The following VPS13C variants were observed in gnomAD, a reference collection of about 807,000 sequenced individuals.
The protein encoded by VPS13C is vacuolar protein sorting 13 homolog C, also known as intermembrane lipid transfer protein VPS13C.
In VPS13C, 358 loss-of-function variants were observed where a neutral mutation model predicts 456.8. That is an observed-to-expected ratio of 0.78 (90% confidence interval 0.72 to 0.86). VPS13C has a LOEUF of 0.86. Ranked by LOEUF, VPS13C falls within the 40% of genes least tolerant of loss-of-function variation. VPS13C has a pLI of 0.00. For missense variants in VPS13C, 4,818 were observed against 4,385.4 expected (o/e 1.10, Z -2.79); for synonymous variants, 1,578 against 1,486.7 (o/e 1.06, Z -1.41).
chr15:62,005,026 G>T (rs1435506981), intron 15 of VPS13C, among the ~76,000 whole-genome samples: 4 of 152,024 alleles, frequency 2.6e-5, no homozygotes, highest in Non-Finnish European at 5.9e-5. Context: ...TTCTGTAGAT[G>T]TCTATTAGGT....
intron 16 of VPS13C, among the ~76,000 whole-genome samples, chr15:61,997,782 C>T (rs1418720523): frequency 6.6e-6 from 1 of 152,148 alleles, no homozygotes; most frequent in Non-Finnish European, 1.5e-5. Context: ...AGTAAAGCTA[C>T]TATCACCACT....
chr15:62,048,954 GT>G (rs1026628685), intron 1 of VPS13C, among the ~76,000 whole-genome samples: 10 of 151,224 alleles, frequency 6.6e-5, no homozygotes, highest in Non-Finnish European at 1.5e-4. Flanking sequence ...GGGGTTGTTT[GT>G]TTTTTTCTTG....
chr15:61,962,752 C>T lies in VPS13C; in HGVS notation c.3432G>A (p.Lys1144=), dbSNP rs1270642650. 1.3e-6 allele frequency: 2 copies of T among 1,589,730 alleles called. No individual in the cohort carries two copies. Among genetic ancestry groups the T allele is most frequent in the Non-Finnish European group, 1.7e-6 (2 of 1,164,214 alleles). ...VTDVDPKTVH[K]KAVSIMGNEV... is the part of the protein sequence containing the mutation. The stretch of plus-strand genomic sequence containing the variant: ...CTATCTGTTTACAATCACCTACTTT[C>T]TTATGAACTGTCTTTGGATCAACAT... Residue 1144 remains lysine (K), a synonymous_variant, in exon 33 of 85, where the codon AAG becomes AAA. Coordinates refer to ENST00000644861, the MANE Select transcript of VPS13C (RefSeq NM_020821.3).
chr15:61,958,342 C>A (rs990331281), intron 37 of VPS13C, among the ~76,000 whole-genome samples: 1 of 152,068 alleles, frequency 6.6e-6, no homozygotes, highest in Admixed American at 6.6e-5. Flanking sequence ...TTTCAAGAAT[C>A]TACCACTGAT....
intron 15 of VPS13C, among the ~76,000 whole-genome samples, chr15:62,005,119 G>A (rs1334641804): frequency 6.6e-6 from 1 of 151,934 alleles, no homozygotes; most frequent in African/African-American, 2.4e-5. Flanking sequence ...TTGACAGTGG[G>A]GTGTTAAAGT....
At chr15:61,874,797 G>T in intron 77 of VPS13C, 79 bp downstream of exon 77, 3 of 1,259,774 alleles carry the variant, frequency 2.4e-6, no homozygotes, top group Non-Finnish European at 2.2e-6. Flanking sequence ...TTAAATAAAA[G>T]CATTTGTTTT....
rs780798002 is a variant in VPS13C, at chr15:61,966,082, C to T, written c.3051+1G>A. 1.3e-6 allele frequency: 2 copies of T among 1,599,044 alleles called. No individual in the cohort carries two copies. The highest frequency in any genetic ancestry group is 8.5e-7 in the Non-Finnish European group (1 of 1,171,314). On this transcript the variant is annotated splice_donor_variant, in intron 30 of 84. Transcript: ENST00000644861. LOFTEE classifies it high-confidence loss of function. ...TAAATTCCTTTAACAGAATTTCTTA[C>T]CTTAACTGTTTGTTCAGTTTTTCCA...
rs1394285356 is a variant in VPS13C, at chr15:62,037,298, TA to T, written c.188-2247del. ...AATATATTATATATATTATATTATA[TA>T]ATATATATATAAATATATTATATAT... is the stretch of plus-strand genomic sequence containing the variant. On this transcript the variant is annotated intron_variant, in intron 3 of 84. Transcript: ENST00000644861. Among the ~76,000 whole-genome samples the T allele has an allele frequency of 9.3e-5, 7 of 75,390 alleles. 1 individual carries two copies. Among genetic ancestry groups the T allele is most frequent in the East Asian group, 4.4e-4 (1 of 2,256 alleles). 49.5% of individuals were successfully genotyped at this position (75,390 alleles called of 152,430 possible).
At chr15:62,020,400 G>C (rs1376800003) in intron 9 of VPS13C, 79 bp downstream of exon 9, 4 of 1,235,796 alleles carry the variant, frequency 3.2e-6, no homozygotes, top group Non-Finnish European at 4.4e-6. Context: ...TCGCATAGTT[G>C]ATTCTAGACA....
In VPS13C at chr15:61,991,695, G is replaced by C; in HGVS notation, c.1461C>G (p.Asp487Glu). ...TACTTTCAGGAATCAATGATTCTTCGTCCTTTTTCTTAGACTCTTTCTTAC... is the reference window on the plus strand; with the variant it reads ...TACTTTCAGGAATCAATGATTCTTCCTCCTTTTTCTTAGACTCTTTCTTAC... ...LWGKKESKKK[D>E]EESLIPETID... Residue 487 changes from aspartate (D) to glutamate (E), a missense_variant, in exon 17 of 85, where the codon GAC (aspartate) becomes GAG (glutamate). By Grantham distance (45) the Asp-to-Glu change is conservative (BLOSUM62 2). Transcript: ENST00000644861. The C allele has an allele frequency of 1.2e-6, 2 of 1,610,746 alleles. No homozygotes were observed. Among genetic ancestry groups the C allele is most frequent in the South Asian group, 1.1e-5 (1 of 90,394 alleles).
intron 58 of VPS13C, among the ~76,000 whole-genome samples, chr15:61,918,938 T>A (rs981689305): frequency 6.6e-6 from 1 of 152,032 alleles, no homozygotes; most frequent in African/African-American, 2.4e-5. Context: ...CCAAGTGACA[T>A]ACAAAGAGAA....
chr15:62,011,758 T>C (rs1487474111), intron 12 of VPS13C, among the ~76,000 whole-genome samples: 4 of 151,942 alleles, frequency 2.6e-5, no homozygotes, highest in Admixed American at 6.6e-5. Flanking sequence ...GTGACCTGAA[T>C]ACCAGAATCT....
At chr15:62,018,646 C>T (rs529889866) in intron 9 of VPS13C, among the ~76,000 whole-genome samples, 8 of 151,820 alleles carry the variant, frequency 5.3e-5, no homozygotes, top group African/African-American at 1.7e-4. Flanking sequence ...CCTTCTTGTC[C>T]ATGGTGGATA....
chr15:61,868,444 C>CA (rs144158291), intron 81 of VPS13C, among the ~76,000 whole-genome samples: 1 of 150,974 alleles, frequency 6.6e-6, no homozygotes, highest in Non-Finnish European at 1.5e-5. Context: ...TTTCTGCACA[C>CA]AAAAAAAAGC....
chr15:61,974,509 T>C, intron 24 of VPS13C, 92 bp from the exon 25 acceptor site: 2 of 1,338,934 alleles, frequency 1.5e-6, no homozygotes, highest in Non-Finnish European at 2.0e-6. Flanking sequence ...AAAACATGCC[T>C]AAACTTTTGA....
At chr15:62,043,154 T>C (rs1044262358) in intron 2 of VPS13C, among the ~76,000 whole-genome samples, 5 of 152,076 alleles carry the variant, frequency 3.3e-5, no homozygotes, top group African/African-American at 1.2e-4. Flanking sequence ...TAGCTTCCTA[T>C]ATAAAAAAGA....
chr15:61,899,881 G>A (rs866725498), intron 66 of VPS13C, among the ~76,000 whole-genome samples: 109 of 151,890 alleles, frequency 7.2e-4, no homozygotes, highest in African/African-American at 2.4e-3. Context: ...CTGGCAAAAC[G>A]AATCCAGCAG....
chr15:61,917,178 A>G (rs997184821), intron 60 of VPS13C, among the ~76,000 whole-genome samples, 163 bp downstream of exon 60: 2 of 152,224 alleles, frequency 1.3e-5, no homozygotes, highest in African/African-American at 4.8e-5. Flanking sequence ...TTCCTGGCAC[A>G]TAGTAAATGT....
chr15:61,871,881 A>C (rs879098155), intron 79 of VPS13C, 108 bp downstream of exon 79: 2 of 930,990 alleles, frequency 2.1e-6, no homozygotes, highest in Non-Finnish European at 3.2e-6. Flanking sequence ...TATAAAATTC[A>C]GTCAGTAATT....
Sources: gnomAD v4.1 joint callset for allele counts (sites outside exome capture counted in the v4.1 genomes callset) on GRCh38, gnomAD v4.1.1 for gene constraint, MANE v1.5 for transcripts, NCBI Gene and HGNC (gene_info 2026-07-23, HGNC 2026-07-21) for gene names.